PGD: variants seen among roughly 807,000 people sequenced by gnomAD.
PGD encodes phosphogluconate dehydrogenase.
PGD carries 21 observed loss-of-function variants against 60.4 expected under a neutral mutation model. The observed-to-expected ratio is 0.35, with a 90% CI of 0.25 to 0.50. The LOEUF (loss-of-function observed/expected upper bound fraction) is 0.50, where lower values mean the gene tolerates loss of function less well. PGD is among the 20% of genes least tolerant of loss of function. The pLI is 0.98. For synonymous variants in PGD, 230 were observed against 235.9 expected (o/e 0.97, Z 0.23); for missense variants, 477 against 613.1 (o/e 0.78, Z 2.34).
intron 5 of PGD, among the ~76,000 whole-genome samples, chr1:10,406,918 T>C (rs549284116): frequency 6.6e-6 from 1 of 152,274 alleles, no homozygotes; most frequent in East Asian, 1.9e-4. Flanking sequence ...AAAGCCATTA[T>C]AAGGAGAAAT....
At chr1:10,408,448 A>G (rs571748315) in intron 6 of PGD, among the ~76,000 whole-genome samples, 1 of 152,348 alleles carries the variant, frequency 6.6e-6, no homozygotes, top group East Asian at 1.9e-4. Context: ...ATATTATTTC[A>G]TGGCCAAAGG....
At chr1:10,406,993 A>G (rs1304938300) in intron 5 of PGD, among the ~76,000 whole-genome samples, 3 of 152,212 alleles carry the variant, frequency 2.0e-5, no homozygotes, top group Non-Finnish European at 4.4e-5. Flanking sequence ...GCTGTTTGCA[A>G]TCATACTGTC....
At chr1:10,404,799 C>T (rs1474903276) in intron 5 of PGD, among the ~76,000 whole-genome samples, 1 of 152,172 alleles carries the variant, frequency 6.6e-6, no homozygotes, top group African/African-American at 2.4e-5. Flanking sequence ...CACACTTGGC[C>T]TCTAAATAGG....
intron 6 of PGD, among the ~76,000 whole-genome samples, chr1:10,409,866 A>G (rs1356379929): frequency 2.0e-5 from 3 of 151,836 alleles, no homozygotes; most frequent in Non-Finnish European, 2.9e-5. Context: ...ATGTTGCCCA[A>G]GCTGGTCTTA....
intron 4 of PGD, 120 bp downstream of exon 4, chr1:10,403,256 T>G: frequency 1.4e-6 from 1 of 717,170 alleles, no homozygotes; most frequent in Non-Finnish European, 2.5e-6. Flanking sequence ...TTGAGATTAC[T>G]ACTGATACAA....
intron 1 of PGD, chr1:10,399,370 G>A (rs981050920): frequency 7.2e-5 from 38 of 525,842 alleles, no homozygotes; most frequent in African/African-American, 6.7e-4. Flanking sequence ...CCAGGGAGGA[G>A]GCGCGGCCAG....
At chr1:10,419,276 C>G (rs1371909478) in intron 11 of PGD, 141 bp from the exon 12 acceptor site, 4 of 1,164,408 alleles carry the variant, frequency 3.4e-6, no homozygotes, top group Non-Finnish European at 4.8e-6. Context: ...CTCAGCCTTC[C>G]AAAGTGCTGG....
At chr1:10,409,092 T>A (rs1639454582) in intron 6 of PGD, among the ~76,000 whole-genome samples, 1 of 152,238 alleles carries the variant, frequency 6.6e-6, no homozygotes, top group Non-Finnish European at 1.5e-5. Flanking sequence ...GATATGGGGT[T>A]GGATTACATG....
chr1:10,408,673 A>G (rs1344714554), intron 6 of PGD, among the ~76,000 whole-genome samples: 1 of 152,180 alleles, frequency 6.6e-6, no homozygotes, highest in Non-Finnish European at 1.5e-5. Flanking sequence ...CAGTGGTGCG[A>G]TCTTGGCTCA....
chr1:10,418,816 ATTAT>A lies in PGD; in HGVS notation c.1110-7_1110-4del. ...GACTCATTGCTTTTTTCCCCCCTTG[ATTAT>A]TTCAGTGTATTCCTAGGAAAGATAA... is the stretch of plus-strand genomic sequence containing the variant. On this transcript the variant is annotated splice_region_variant and splice_polypyrimidine_tract_variant and intron_variant, in intron 10 of 12. Transcript: ENST00000270776. The A allele has an allele frequency of 6.7e-6, 9 of 1,342,780 alleles. No homozygotes were observed. The highest frequency in any genetic ancestry group is 9.5e-6 in the Non-Finnish European group (9 of 947,470). The allele number at this position is 1,342,780 out of a possible 1,614,324, so 83.2% of individuals were successfully genotyped here. A position where few individuals can be genotyped will look rare whatever the true frequency, so the allele number is the denominator to read the frequency against.
chr1:10,419,849 T>G lies in PGD; in HGVS notation c.*100T>G, dbSNP rs1639662053. 1 of 1,417,088 alleles carries G rather than the reference T, an allele frequency of 7.1e-7. No individual in the cohort carries two copies. The highest frequency in any genetic ancestry group is 9.7e-7 in the Non-Finnish European group (1 of 1,030,058). 87.8% of individuals were successfully genotyped at this position (1,417,088 alleles called of 1,614,324 possible). A position where few individuals can be genotyped will look rare whatever the true frequency, so the allele number is the denominator to read the frequency against. On this transcript the variant is annotated 3_prime_UTR_variant, in exon 13 of 13. Transcript: ENST00000270776. ...CCCTTTGCCCTATTTTCTGTTCAGTTTTTTAAAAGTGTTGTAAGAGACTCC... is the reference window on the plus strand; with the variant it reads ...CCCTTTGCCCTATTTTCTGTTCAGTGTTTTAAAAGTGTTGTAAGAGACTCC...
intron 6 of PGD, among the ~76,000 whole-genome samples, chr1:10,408,468 C>G (rs948582302): frequency 1.3e-5 from 2 of 152,138 alleles, no homozygotes; most frequent in African/African-American, 4.8e-5. Context: ...GAAAGAATGT[C>G]AGAATCAAAA....
intron 3 of PGD, 81 bp downstream of exon 3, chr1:10,400,653 C>A: frequency 9.0e-7 from 1 of 1,108,192 alleles, no homozygotes; most frequent in East Asian, 2.5e-5. Context: ...TCTTTTAACT[C>A]TAGAGATTTT....
Position 10,419,839 on chromosome 1 carries a change from T to A in PGD, c.*90T>A. On this transcript the variant is annotated 3_prime_UTR_variant, in exon 13 of 13. Transcript: ENST00000270776. ...TGCCACCTGGCCCTTTGCCCTATTT[T>A]CTGTTCAGTTTTTTAAAAGTGTTGT... The A allele has an allele frequency of 1.4e-6, 2 of 1,479,746 alleles. No homozygotes were observed. Among genetic ancestry groups the A allele is most frequent in the Non-Finnish European group, 1.9e-6 (2 of 1,080,542 alleles). The allele number at this position is 1,479,746 out of a possible 1,614,324, so 91.7% of individuals were successfully genotyped here.
Position 10,411,445 on chromosome 1 carries a change from G to A in PGD, c.547G>A (p.Val183Met), listed in dbSNP as rs1247773755. 10 of 1,613,824 alleles carry A rather than the reference G, an allele frequency of 6.2e-6. No individual in the cohort carries two copies. In the East Asian group the frequency reaches 1.6e-4, roughly 25 times the overall value. Residue 183 changes from valine (V) to methionine (M), a missense_variant, in exon 7 of 13, where the codon GTG (valine) becomes ATG (methionine). Coordinates refer to ENST00000270776, the MANE Select transcript of PGD (RefSeq NM_002631.4). ...GGGAGATGAGGGAGCAGGCCACTTC[G>A]TGAAGATGGTGCACAACGGGATAGA... ...WVGDEGAGHF[V>M]KMVHNGIEYG...
intron 3 of PGD, among the ~76,000 whole-genome samples, chr1:10,401,245 G>A (rs761363366): frequency 6.6e-6 from 1 of 152,214 alleles, no homozygotes. Context: ...GGAATCCTAG[G>A]GAACTGGATG....
Position 10,413,133 on chromosome 1 carries a change from C to G in PGD, c.726C>G (p.Phe242Leu), listed in dbSNP as rs1249527900. ...AAATCACAGCCAATATTCTCAAGTT[C>G]CAAGACACCGATGGCAAACACCTGC... Reference protein sequence around the residue: ...LIEITANILKFQDTDGKHLLP... With the variant: ...LIEITANILKLQDTDGKHLLP... Residue 242 changes from phenylalanine (F) to leucine (L), a missense_variant, in exon 8 of 13, where the codon TTC becomes TTG. Around this residue, in one of 3 missense-constraint regions of PGD, gnomAD observed 431 missense variants for 556.6 expected, o/e 0.77. Transcript: ENST00000270776. 2 of 1,614,138 alleles carry G rather than the reference C, an allele frequency of 1.2e-6. No individual in the cohort carries two copies. The highest frequency in any genetic ancestry group is 8.5e-7 in the Non-Finnish European group (1 of 1,179,992).
chr1:10,399,276 C>A, intron 1 of PGD, 151 bp downstream of exon 1: 1 of 938,344 alleles, frequency 1.1e-6, no homozygotes, highest in Non-Finnish European at 1.6e-6. Flanking sequence ...TACGGCGTCT[C>A]GGGCCCAGAG....
rs754863657 is a variant in PGD, at chr1:10,419,549, T to TG, written c.1332+12dup. ...AGCCAGCCTCATCCAGGTAAGCCTG[T>TG]GGAGCAGGGATTAACCTGGCTGGCC... On this transcript the variant is annotated intron_variant, in intron 12 of 12. Coordinates refer to ENST00000270776, the MANE Select transcript of PGD (RefSeq NM_002631.4). The TG allele has an allele frequency of 1.2e-5, 20 of 1,613,928 alleles. No homozygotes were observed. In the Admixed American group the frequency reaches 1.5e-4, roughly 12 times the overall value.
Sources: gnomAD v4.1 joint callset for allele counts (sites outside exome capture counted in the v4.1 genomes callset) on GRCh38, gnomAD v4.1.1 for gene constraint, gnomAD v4.1.1 regional missense constraint, MANE v1.5 for transcripts, NCBI Gene and HGNC (gene_info 2026-07-23, HGNC 2026-07-21) for gene names.